SV2B: variants seen among roughly 807,000 people sequenced by gnomAD.
The protein encoded by SV2B is solute carrier family 22 member B2.
In SV2B, 41 loss-of-function variants were observed where a neutral mutation model predicts 73.9. The observed-to-expected ratio is 0.56, with a 90% CI of 0.43 to 0.72. The LOEUF is 0.72. Ranked by LOEUF, SV2B falls within the 30% of genes least tolerant of loss-of-function variation. The pLI is 0.00. For synonymous variants in SV2B, 314 were observed against 314.2 expected, an observed-to-expected ratio of 1.00 and a Z score of 0.01; for missense variants, 764 against 857.8, an observed-to-expected ratio of 0.89 and a Z score of 1.37.
rs1424076868 is a variant in SV2B, at chr15:91,290,249, T to C, written c.1868+569T>C. Among the ~76,000 whole-genome samples, 1 of 152,086 alleles carries C rather than the reference T, an allele frequency of 6.6e-6. No individual in the cohort carries two copies. Among genetic ancestry groups the C allele is most frequent in the Non-Finnish European group, 1.5e-5 (1 of 67,992 alleles). On this transcript the variant is annotated intron_variant, in intron 12 of 12. Transcript: ENST00000394232. This position sits in a 1 kb window ranked among gnomAD's most constrained non-coding sequence, Gnocchi z 4.7. ...GAATTGTAAAGTTTAAAGGAGAAGA[T>C]AAGAGGCCCTGTGGTCAAAAAGGAA...
At chr15:91,209,114 G>GTTTTTTTTTTTTTT (rs903531189) in intron 1 of SV2B, among the ~76,000 whole-genome samples, 6 of 90,022 alleles carry the variant, frequency 6.7e-5, no homozygotes, top group African/African-American at 2.5e-4. Context: ...ACTGTTTTTT[G>GTTTTTTTTTTTTTT]TTTTTTTTTT....
At position 91,226,721 on chromosome 15, in the gene SV2B, G is replaced by A; in HGVS notation, c.451+7G>A. ...TCCAAAAAAGGAATGCTAGGTAAGTGGAAATTTCCAATGATCCCTCCAATG... is the reference window on the plus strand; with the variant it reads ...TCCAAAAAAGGAATGCTAGGTAAGTAGAAATTTCCAATGATCCCTCCAATG... On this transcript the variant is annotated splice_region_variant and intron_variant, in intron 2 of 12. Transcript: ENST00000394232. The A allele has an allele frequency of 6.3e-7, 1 of 1,598,286 alleles. No individual in the cohort carries two copies. Among genetic ancestry groups the A allele is most frequent in the South Asian group, 1.1e-5 (1 of 89,132 alleles).
At chr15:91,102,119 T>G (rs1173395361) in intron 1 of SV2B, 1 of 152,230 alleles carries the variant, frequency 6.6e-6, no homozygotes. Context: ...ACCAGTCTTT[T>G]CTGGGAGATG....
chr15:91,142,718 C>T (rs1455572857), intron 1 of SV2B, among the ~76,000 whole-genome samples: 5 of 152,152 alleles, frequency 3.3e-5, no homozygotes, highest in Non-Finnish European at 5.9e-5. Flanking sequence ...GCCACTCAGA[C>T]AGTAAATAGA....
intron 1 of SV2B, among the ~76,000 whole-genome samples, chr15:91,189,993 AAAAGAAAG>A (rs540890081): frequency 1.3e-5 from 2 of 152,202 alleles, no homozygotes; most frequent in Non-Finnish European, 2.9e-5. Context: ...ATCTCAAAAA[AAAAGAAAG>A]AAAGAAAGAA....
At chr15:91,219,738 A>G (rs1245043386) in intron 1 of SV2B, among the ~76,000 whole-genome samples, 1 of 152,116 alleles carries the variant, frequency 6.6e-6, no homozygotes, top group Non-Finnish European at 1.5e-5. Context: ...CATTCCCATC[A>G]ACACCCTCCC....
At position 91,227,481 on chromosome 15, in the gene SV2B, GTC is replaced by G. The variant is rs1168655135; in HGVS notation, c.451+768_451+769del. 6.6e-6 allele frequency among the ~76,000 whole-genome samples: 1 copy of G among 152,202 alleles called. No homozygotes were observed. Among genetic ancestry groups the G allele is most frequent in the Non-Finnish European group, 1.5e-5 (1 of 68,026 alleles). On this transcript the variant is annotated intron_variant, in intron 2 of 12. Coordinates refer to ENST00000394232, the MANE Select transcript of SV2B (RefSeq NM_001323032.3). This position sits in a 1 kb window ranked among gnomAD's most constrained non-coding sequence, Gnocchi z 4.5. Reference sequence around the variant, plus strand: ...AAGCATTTGTCTTTAGTCACCAAATGTCCTGAAAAATGTATCTACCCTCTAAA... The same window carrying G: ...AAGCATTTGTCTTTAGTCACCAAATGCTGAAAAATGTATCTACCCTCTAAA...
At chr15:91,159,642 A>G (rs1179227464) in intron 1 of SV2B, among the ~76,000 whole-genome samples, 3 of 152,228 alleles carry the variant, frequency 2.0e-5, no homozygotes, top group Admixed American at 6.5e-5. Flanking sequence ...CAAGTTCTGA[A>G]TAAGGTATGA....
chr15:91,112,457 C>G (rs1000790159), intron 1 of SV2B, among the ~76,000 whole-genome samples: 1 of 152,144 alleles, frequency 6.6e-6, no homozygotes, highest in African/African-American at 2.4e-5. Flanking sequence ...TGATTGAAGT[C>G]TTGGAAATGC....
intron 1 of SV2B, among the ~76,000 whole-genome samples, chr15:91,187,393 G>T (rs2044814649): frequency 6.6e-6 from 1 of 152,210 alleles, no homozygotes; most frequent in Non-Finnish European, 1.5e-5. Context: ...AGCAGAACAA[G>T]AGAACATTCC....
chr15:91,137,610 A>ATATATATTTCATATATACG lies in SV2B; in HGVS notation c.-392+37265_-392+37266insGTATATATTTCATATATAC. Among the ~76,000 whole-genome samples the ATATATATTTCATATATACG allele has an allele frequency of 2.9e-5, 1 of 34,590 alleles. No individual in the cohort carries two copies. The highest frequency in any genetic ancestry group is 0.016 in the East Asian group (1 of 62). 22.7% of individuals were successfully genotyped at this position (34,590 alleles called of 152,430 possible). A position where few individuals can be genotyped will look rare whatever the true frequency, so the allele number is the denominator to read the frequency against. On this transcript the variant is annotated intron_variant, in intron 1 of 12. Coordinates refer to ENST00000394232, the MANE Select transcript of SV2B (RefSeq NM_001323032.3). The surrounding 1 kb of genome is among the most constrained non-coding windows in gnomAD (Gnocchi z 4.9). ...TTTCTCATATATATATATATTTCAT[A>ATATATATTTCATATATACG]TATATATTTCATATATACATATATT...
At chr15:91,247,549 A>T (rs1023499537) in intron 2 of SV2B, among the ~76,000 whole-genome samples, 9 of 152,138 alleles carry the variant, frequency 5.9e-5, no homozygotes, top group Admixed American at 5.2e-4. Flanking sequence ...ATAACTTAGA[A>T]TCTTGAAAAG....
chr15:91,268,310 A>T lies in SV2B; in HGVS notation c.1209-131A>T. The stretch of plus-strand genomic sequence containing the variant: ...TATTAATATGAGGATTTATATTGTC[A>T]GATTTTCTAATAATGAACCAAATTA... On this transcript the variant is annotated intron_variant, in intron 8 of 12. Transcript: ENST00000394232. The surrounding 1 kb of genome is among the most constrained non-coding windows in gnomAD (Gnocchi z 4.4). The T allele has an allele frequency of 1.1e-6, 1 of 932,034 alleles. No individual in the cohort carries two copies. Among genetic ancestry groups the T allele is most frequent in the South Asian group, 2.2e-5 (1 of 45,420 alleles). The allele number at this position is 932,034 out of a possible 1,614,324, so 57.7% of individuals were successfully genotyped here.
At chr15:91,188,953 A>G (rs1345386392) in intron 1 of SV2B, among the ~76,000 whole-genome samples, 7 of 151,972 alleles carry the variant, frequency 4.6e-5, no homozygotes, top group Admixed American at 2.0e-4. Context: ...CGGCCTCCCA[A>G]ATAGCTGGCA....
At chr15:91,174,144 C>T (rs192097558) in intron 1 of SV2B, among the ~76,000 whole-genome samples, 1 of 152,324 alleles carries the variant, frequency 6.6e-6, no homozygotes, top group African/African-American at 2.4e-5. Flanking sequence ...GAGATACAGC[C>T]TTTAGCAACT....
rs1206300729 is a variant in SV2B, at chr15:91,121,797, T to C, written c.-392+21434T>C. Among the ~76,000 whole-genome samples, 3 of 148,766 alleles carry C rather than the reference T, an allele frequency of 2.0e-5. No homozygotes were observed. Among genetic ancestry groups the C allele is most frequent in the Admixed American group, 1.3e-4 (2 of 14,908 alleles). ...ATAGTGTTTTTTTTTTTTTTTGAGATGGAGTCTCGCTCTGTCACCCAGGCT... is the reference window on the plus strand; with the variant it reads ...ATAGTGTTTTTTTTTTTTTTTGAGACGGAGTCTCGCTCTGTCACCCAGGCT... On this transcript the variant is annotated intron_variant, in intron 1 of 12. Coordinates refer to ENST00000394232, the MANE Select transcript of SV2B (RefSeq NM_001323032.3). The surrounding 1 kb of genome is among the most constrained non-coding windows in gnomAD (Gnocchi z 4.4).
chr15:91,208,425 G>A (rs2045725525), intron 1 of SV2B, among the ~76,000 whole-genome samples: 1 of 152,196 alleles, frequency 6.6e-6, no homozygotes, highest in South Asian at 2.1e-4. Context: ...TTTCAGAGGT[G>A]AAAGTTGCTA....
At position 91,139,329 on chromosome 15, in the gene SV2B, A is replaced by G. The variant is rs2042934358; in HGVS notation, c.-392+38966A>G. ...TCTCTACTTTTGAATGTGCTTGCAAATTTCCACAATAAAATGTTAAAAAAA... is the reference window on the plus strand; with the variant it reads ...TCTCTACTTTTGAATGTGCTTGCAAGTTTCCACAATAAAATGTTAAAAAAA... On this transcript the variant is annotated intron_variant, in intron 1 of 12. Coordinates refer to ENST00000394232, the MANE Select transcript of SV2B (RefSeq NM_001323032.3). This position sits in a 1 kb window ranked among gnomAD's most constrained non-coding sequence, Gnocchi z 5.2. 6.6e-6 allele frequency among the ~76,000 whole-genome samples: 1 copy of G among 151,514 alleles called. No individual in the cohort carries two copies. The highest frequency in any genetic ancestry group is 2.1e-4 in the South Asian group (1 of 4,816).
chr15:91,256,874 C>T (rs547398354), intron 4 of SV2B, among the ~76,000 whole-genome samples: 1 of 152,298 alleles, frequency 6.6e-6, no homozygotes, highest in South Asian at 2.1e-4. Flanking sequence ...GCGAGTAGAA[C>T]AAGTTGAACC....
Sources: gnomAD v4.1 joint callset for allele counts (sites outside exome capture counted in the v4.1 genomes callset) on GRCh38, gnomAD v4.1.1 for gene constraint, Gnocchi (gnomAD v3.1) non-coding constraint, MANE v1.5 for transcripts, NCBI Gene and HGNC (gene_info 2026-07-23, HGNC 2026-07-21) for gene names.